BTBD9: variants seen among roughly 807,000 people sequenced by gnomAD.
BTBD9 encodes BTB domain containing 9, also known as BTB/POZ domain-containing protein 9.
In BTBD9, 49 loss-of-function variants were observed where a neutral mutation model predicts 64.3. The ratio of observed to expected loss-of-function variants is 0.76; its 90% CI spans 0.61 to 0.97. BTBD9 has a LOEUF of 0.97. Ranked by LOEUF, BTBD9 falls within the 50% of genes least tolerant of loss-of-function variation. The probability of loss-of-function intolerance (pLI) is 0.00; values close to 1 mark genes in which losing one functional copy is unlikely to be tolerated. For missense variants in BTBD9, 598 were observed against 762.1 expected, an observed-to-expected ratio of 0.78 and a Z score of 2.53; for synonymous variants, 260 against 274.7, an observed-to-expected ratio of 0.95 and a Z score of 0.53.
intron 6 of BTBD9, among the ~76,000 whole-genome samples, chr6:38,568,135 T>C (rs947212301): frequency 1.3e-5 from 2 of 152,210 alleles, no homozygotes; most frequent in Admixed American, 6.5e-5. Flanking sequence ...AGAGCAATCA[T>C]TGTTAAGTAG....
At chr6:38,181,826 A>G (rs1310209538) in intron 10 of BTBD9, among the ~76,000 whole-genome samples, 2 of 152,112 alleles carry the variant, frequency 1.3e-5, no homozygotes, top group Non-Finnish European at 2.9e-5. Context: ...GGTCTCTACT[A>G]AAAATACAAA....
At chr6:38,228,348 C>CA (rs1451570389) in intron 9 of BTBD9, among the ~76,000 whole-genome samples, 243 of 70,404 alleles carry the variant, frequency 3.5e-3, no homozygotes, top group African/African-American at 0.011. Flanking sequence ...CTGTCCCCCC[C>CA]CCCAAAAAAA....
intron 6 of BTBD9, among the ~76,000 whole-genome samples, chr6:38,390,338 G>C (rs926115250): frequency 2.6e-5 from 4 of 152,102 alleles, no homozygotes; most frequent in African/African-American, 7.2e-5. Context: ...ACCCACCTTG[G>C]CCTCCCAAAG....
intron 10 of BTBD9, among the ~76,000 whole-genome samples, chr6:38,186,884 G>GC (rs1761842768): frequency 6.6e-6 from 1 of 151,942 alleles, no homozygotes; most frequent in Non-Finnish European, 1.5e-5. Context: ...CTGCTTGTGG[G>GC]CCCCTGAGCT....
intron 6 of BTBD9, among the ~76,000 whole-genome samples, chr6:38,404,973 G>C (rs1213779784): frequency 6.6e-6 from 1 of 152,202 alleles, no homozygotes; most frequent in Non-Finnish European, 1.5e-5. Context: ...AAATATTACT[G>C]TCATCACTGA....
At chr6:38,235,543 A>AT (rs1246884662) in intron 9 of BTBD9, among the ~76,000 whole-genome samples, 1 of 152,176 alleles carries the variant, frequency 6.6e-6, no homozygotes, top group East Asian at 1.9e-4. Flanking sequence ...TGAGATCACC[A>AT]TATTTCAAGG....
chr6:38,580,135 T>C, intron 5 of BTBD9, 83 bp downstream of exon 5: 2 of 1,298,896 alleles, frequency 1.5e-6, no homozygotes, highest in Non-Finnish European at 2.2e-6. Context: ...TAAACCATCA[T>C]ATCTGTAAAA....
At chr6:38,535,804 T>C (rs1268734658) in intron 6 of BTBD9, among the ~76,000 whole-genome samples, 1 of 151,990 alleles carries the variant, frequency 6.6e-6, no homozygotes, top group East Asian at 1.9e-4. Flanking sequence ...TGGATATCCA[T>C]ATGCAGAAAA....
chr6:38,460,530 A>G (rs183007745), intron 6 of BTBD9, among the ~76,000 whole-genome samples: 1 of 152,368 alleles, frequency 6.6e-6, no homozygotes, highest in Admixed American at 6.5e-5. Flanking sequence ...AATTTATAAT[A>G]AACAAAAAGA....
intron 6 of BTBD9, among the ~76,000 whole-genome samples, chr6:38,465,708 T>A (rs192332584): frequency 0.26 from 3,723 of 14,120 alleles, 207 homozygotes; most frequent in East Asian, 0.41. Flanking sequence ...ATAAATAAAT[T>A]ATATATATAT....
chr6:38,295,496 C>A (rs564845937), intron 7 of BTBD9, among the ~76,000 whole-genome samples: 1 of 152,084 alleles, frequency 6.6e-6, no homozygotes, highest in Non-Finnish European at 1.5e-5. Flanking sequence ...TAAGTTCTTT[C>A]CTACACCAAA....
At chr6:38,317,697 T>C (rs1315164444) in intron 7 of BTBD9, among the ~76,000 whole-genome samples, 2 of 152,164 alleles carry the variant, frequency 1.3e-5, no homozygotes, top group African/African-American at 4.8e-5. Context: ...CTGTTCTGTT[T>C]TGTCTTCTCT....
chr6:38,491,837 A>G (rs760238118), intron 6 of BTBD9, among the ~76,000 whole-genome samples: 3 of 152,180 alleles, frequency 2.0e-5, no homozygotes, highest in East Asian at 1.9e-4. Context: ...CATTAAAGTA[A>G]TATTTCCTTG....
At chr6:38,523,334 G>A (rs940484328) in intron 6 of BTBD9, among the ~76,000 whole-genome samples, 2 of 152,028 alleles carry the variant, frequency 1.3e-5, no homozygotes, top group Non-Finnish European at 2.9e-5. Flanking sequence ...CTCACCAACC[G>A]TCTCCACCAA....
chr6:38,412,459 T>C (rs537530744), intron 6 of BTBD9, among the ~76,000 whole-genome samples: 6 of 151,038 alleles, frequency 4.0e-5, no homozygotes, highest in Non-Finnish European at 7.4e-5. Context: ...GGCCCTCTCA[T>C]ACACTGTGGG....
intron 6 of BTBD9, among the ~76,000 whole-genome samples, chr6:38,391,110 A>G (rs1319345651): frequency 6.6e-6 from 1 of 152,210 alleles, no homozygotes; most frequent in Non-Finnish European, 1.5e-5. Flanking sequence ...GTTTACTCAA[A>G]TATTTACTGA....
At chr6:38,219,433 T>G (rs1763127052) in intron 9 of BTBD9, among the ~76,000 whole-genome samples, 1 of 151,966 alleles carries the variant, frequency 6.6e-6, no homozygotes, top group Non-Finnish European at 1.5e-5. Context: ...TGAGCCACCA[T>G]GCCCGGCCTC....
intron 7 of BTBD9, among the ~76,000 whole-genome samples, chr6:38,323,008 G>A (rs1763293585): frequency 1.3e-5 from 2 of 152,198 alleles, no homozygotes; most frequent in African/African-American, 4.8e-5. Flanking sequence ...AGAAGAAGGG[G>A]AGATGTCTGA....
rs750690746 is a variant in BTBD9, at chr6:38,239,438, CAA to C, written c.1562+16969_1562+16970del. ...CTGGCGACAGAGCAAGACTCTGTCTCAAAAAAAAAAAAAAAAAAAAAAGATAT... is the reference window on the plus strand; with the variant it reads ...CTGGCGACAGAGCAAGACTCTGTCTCAAAAAAAAAAAAAAAAAAAAGATAT... On this transcript the variant is annotated intron_variant, in intron 9 of 10. Coordinates refer to ENST00000481247, the MANE Select transcript of BTBD9 (RefSeq NM_001099272.2). Among the ~76,000 whole-genome samples the C allele has an allele frequency of 4.7e-3, 280 of 59,044 alleles. 2 individuals are homozygous for C. In the East Asian group the frequency reaches 0.071, roughly 15 times the overall value. The allele number at this position is 59,044 out of a possible 152,430, so 38.7% of individuals were successfully genotyped here. A position where few individuals can be genotyped will look rare whatever the true frequency, so the allele number is the denominator to read the frequency against.
Sources: allele counts gnomAD v4.1 joint callset (sites outside exome capture counted in the v4.1 genomes callset), GRCh38; gene constraint gnomAD v4.1.1; transcripts MANE v1.5; gene names NCBI Gene and HGNC (gene_info 2026-07-23, HGNC 2026-07-21).